Variants in PHYKPL observed in about 807,000 individuals in gnomAD.
PHYKPL encodes the protein 5-phosphohydroxy-L-lysine phospho-lyase.
In PHYKPL, 42 loss-of-function variants were observed where a neutral mutation model predicts 51.3. That is an observed-to-expected ratio of 0.82 (90% CI 0.64 to 1.06). The LOEUF (loss-of-function observed/expected upper bound fraction) is 1.06, where lower values mean the gene tolerates loss of function less well. PHYKPL is among the 50% of genes least tolerant of loss of function. PHYKPL has a pLI of 0.00. For synonymous variants in PHYKPL, 264 were observed against 236.0 expected (o/e 1.12, Z -1.09); for missense variants, 655 against 586.6 (o/e 1.12, Z -1.20).
chr5:178,222,588 A>G lies in PHYKPL; in HGVS notation c.702-8T>C. 6.2e-7 allele frequency: 1 copy of G among 1,613,368 alleles called. No homozygotes were observed. Among genetic ancestry groups the G allele is most frequent in the African/African-American group, 1.3e-5 (1 of 75,038 alleles). Reference sequence around the variant, plus strand: ...CCGGCCTTGCGGATGTGCCTGTGGCAGAGGAGATGACTGACACGGGGGCTG... The same window carrying G: ...CCGGCCTTGCGGATGTGCCTGTGGCGGAGGAGATGACTGACACGGGGGCTG... On this transcript the variant is annotated splice_polypyrimidine_tract_variant and splice_region_variant and intron_variant, in intron 7 of 12. Transcript: ENST00000308158.
intron 8 of PHYKPL, chr5:178,216,076 A>G (rs1416398828): frequency 6.6e-6 from 1 of 152,178 alleles, no homozygotes; most frequent in African/African-American, 2.4e-5. Flanking sequence ...TGAGGTGACA[A>G]ATGTATGTAC....
In PHYKPL at chr5:178,222,565, G is replaced by C; in HGVS notation, c.717C>G (p.Ala239=). Residue 239 remains alanine, a synonymous_variant, in exon 8 of 13, where the codon GCC becomes GCG. Transcript: ENST00000308158. ...TCTCATCTGCAACAAAGACCCCTCC[G>C]GCCTTGCGGATGTGCCTGTGGCAGA... ...FSQVAEHIRK[A]GGVFVADEIQ... The C allele has an allele frequency of 6.2e-7, 1 of 1,614,164 alleles. No individual in the cohort carries two copies. Among genetic ancestry groups the C allele is most frequent in the Non-Finnish European group, 8.5e-7 (1 of 1,179,998 alleles).
At chr5:178,208,024 C>T (rs543550524), downstream of PHYKPL, among the ~76,000 whole-genome samples, 62 of 152,310 alleles carry the variant, frequency 4.1e-4, no homozygotes, top group East Asian at 6.7e-3. Context: ...AAAAATCCTT[C>T]CAAAGATCTC....
At chr5:178,211,779 G>GTCAGAACAAAAAAAAGTCTT in intron 12 of PHYKPL, 111 bp downstream of exon 12, 1 of 699,310 alleles carries the variant, frequency 1.4e-6, no homozygotes, top group Non-Finnish European at 2.5e-6. Context: ...AGGAGCATCA[G>GTCAGAACAAAAAAAAGTCTT]TCAGAACAAA....
Position 178,222,906 on chromosome 5 carries a change from G to C in PHYKPL, c.647C>G (p.Pro216Arg). Residue 216 changes from proline to arginine, a missense_variant, in exon 7 of 13, where the codon CCC (proline) becomes CGC (arginine). Coordinates refer to ENST00000308158, the MANE Select transcript of PHYKPL (RefSeq NM_153373.4). ...GGGAATGATCTGCCCTCCCACACTG[G>C]GCAGAGACTCAGCGAAGAAGGCTGC... ...KIAAFFAESL[P>R]SVGGQIIPPA... 1 of 1,614,134 alleles carries C rather than the reference G, an allele frequency of 6.2e-7. No homozygotes were observed. The highest frequency in any genetic ancestry group is 8.5e-7 in the Non-Finnish European group (1 of 1,180,024).
chr5:178,225,362 A>C lies in PHYKPL; in HGVS notation c.406T>G (p.Leu136Val). 1 of 1,614,166 alleles carries C rather than the reference A, an allele frequency of 6.2e-7. No individual in the cohort carries two copies. Among genetic ancestry groups the C allele is most frequent in the Non-Finnish European group, 8.5e-7 (1 of 1,180,030 alleles). ...GCTGTGAGTTGCACTTACTGATCTA[A>C]TACCACCACGTCCTGGTGTCCCGTG... ...HYTGHQDVVV[L>V]DHAYHGHLSS... Residue 136 changes from leucine to valine, a missense_variant, in exon 4 of 13, where the codon TTA becomes GTA. Leu to Val is a conservative substitution (Grantham distance 32). Transcript: ENST00000308158.
chr5:178,211,220 CGG>C (rs56204741), intron 12 of PHYKPL: 3,097 of 140,302 alleles, frequency 0.022, 109 homozygotes, highest in African/African-American at 0.078. Flanking sequence ...TCGAGGGAGG[CGG>C]GGGGGGGGTG....
At chr5:178,231,647 G>T in intron 1 of PHYKPL, 124 bp from the exon 2 acceptor site, 1 of 1,600,920 alleles carries the variant, frequency 6.2e-7, no homozygotes, top group African/African-American at 1.3e-5. Flanking sequence ...AGAGCTGGAA[G>T]GGCAAGGTGC....
At position 178,214,984 on chromosome 5, in the gene PHYKPL, G is replaced by A. The variant is rs557971322; in HGVS notation, c.1083-99C>T. On this transcript the variant is annotated intron_variant, in intron 9 of 12. Coordinates refer to ENST00000308158, the MANE Select transcript of PHYKPL (RefSeq NM_153373.4). The stretch of plus-strand genomic sequence containing the variant: ...CCTACCTGTGCCTCCTGAGGGGGCT[G>A]AGTGCAGGAGGCACCTTCAGAAGGT... 4.7e-6 allele frequency: 5 copies of A among 1,068,308 alleles called. No homozygotes were observed. The East Asian group carries it at 9.9e-5, about 21-fold the overall frequency. The allele number at this position is 1,068,308 out of a possible 1,614,324, so 66.2% of individuals were successfully genotyped here.
At chr5:178,210,461 G>T (rs77755079) in intron 12 of PHYKPL, 32 of 1,492,488 alleles carry the variant, frequency 2.1e-5, no homozygotes, top group Middle Eastern at 1.7e-4. Context: ...TGCTGTCACG[G>T]CTGGTGAGGG....
intron 3 of PHYKPL, among the ~76,000 whole-genome samples, chr5:178,227,221 A>G (rs1214036292): frequency 6.6e-6 from 1 of 152,112 alleles, no homozygotes; most frequent in East Asian, 1.9e-4. Flanking sequence ...ATAAGAGAAA[A>G]TCTGGACACA....
At chr5:178,220,569 G>C (rs1271487770) in intron 8 of PHYKPL, among the ~76,000 whole-genome samples, 2 of 152,080 alleles carry the variant, frequency 1.3e-5, no homozygotes, top group African/African-American at 4.8e-5. Context: ...AACTACTTTA[G>C]AAAACAAATG....
At position 178,222,512 on chromosome 5, in the gene PHYKPL, T is replaced by G; in HGVS notation, c.770A>C (p.Lys257Thr). The G allele has an allele frequency of 6.2e-7, 1 of 1,614,266 alleles. No homozygotes were observed. Among genetic ancestry groups the G allele is most frequent in the Non-Finnish European group, 8.5e-7 (1 of 1,180,052 alleles). Reference protein sequence around the residue: ...EIQVGFGRVGKHFWAFQLQGK... With the variant: ...EIQVGFGRVGTHFWAFQLQGK... ...CTGGAGCTGGAAGGCCCAGAAGTGC[T>G]TGCCTACCCGGCCAAAGCCAACCTG... The change falls in exon 8 of 13, where the codon AAG becomes ACG. Residue 257 changes from lysine to threonine, a missense_variant. Physicochemically the swap from Lys to Thr is moderately conservative, Grantham distance 78 (BLOSUM62 -1). Coordinates refer to ENST00000308158, the MANE Select transcript of PHYKPL (RefSeq NM_153373.4).
intron 8 of PHYKPL, among the ~76,000 whole-genome samples, chr5:178,220,721 C>T (rs200557148): frequency 2.1e-5 from 1 of 46,704 alleles, no homozygotes; most frequent in Non-Finnish European, 4.7e-5. Context: ...TTCATAATTG[C>T]AAAAAAAAAA....
intron 2 of PHYKPL, chr5:178,230,359 CTTTT>C (rs34227825): frequency 3.1e-4 from 98 of 319,096 alleles, no homozygotes; most frequent in South Asian, 4.5e-4. Context: ...TTAAGGAGGA[CTTTT>C]TTTTTTTTTT....
intron 3 of PHYKPL, among the ~76,000 whole-genome samples, chr5:178,228,787 C>CCTTT (rs1489458187): frequency 7.9e-5 from 12 of 152,226 alleles, no homozygotes; most frequent in Admixed American, 3.9e-4. Context: ...GCTACCATGA[C>CCTTT]CTTTCACCTG....
rs563547812 is a variant in PHYKPL, at chr5:178,224,106, C to A, written c.618+342G>T. Among the ~76,000 whole-genome samples, 4 of 152,316 alleles carry A rather than the reference C, an allele frequency of 2.6e-5. No individual in the cohort carries two copies. The East Asian group carries it at 7.7e-4, about 29-fold the overall frequency. On this transcript the variant is annotated intron_variant, in intron 6 of 12. Coordinates refer to ENST00000308158, the MANE Select transcript of PHYKPL (RefSeq NM_153373.4). ...CTGCCTCTCCAGGATCAGCTCCTGG[C>A]CACACATTCACACGGTTCCTCAGCC...
intron 12 of PHYKPL, chr5:178,211,648 G>A: frequency 2.1e-6 from 1 of 469,570 alleles, no homozygotes; most frequent in Non-Finnish European, 3.8e-6. Flanking sequence ...AGGCAAGGGT[G>A]GGTTGGGGTT....
chr5:178,224,947 T>C (rs191654147), intron 4 of PHYKPL: 21 of 573,604 alleles, frequency 3.7e-5, no homozygotes, highest in Non-Finnish European at 6.2e-5. Context: ...CATCATTTAA[T>C]CTCTCTCGGT....
Sources: gnomAD v4.1 joint callset for allele counts (sites outside exome capture counted in the v4.1 genomes callset) on GRCh38, gnomAD v4.1.1 for gene constraint, MANE v1.5 for transcripts, NCBI Gene and HGNC (gene_info 2026-07-23, HGNC 2026-07-21) for gene names.